The following TSNARE1 variants were observed in gnomAD, a reference collection of about 807,000 sequenced individuals.
TSNARE1 encodes t-SNARE domain containing 1, also known as t-SNARE domain-containing protein 1.
Under a neutral mutation model 62.0 loss-of-function variants are expected in TSNARE1, and 49 were observed. The ratio of observed to expected loss-of-function variants is 0.79; its 90% CI spans 0.63 to 1.00. TSNARE1 has a LOEUF of 1.00. TSNARE1 is among the 50% of genes least tolerant of loss of function. The probability of loss-of-function intolerance (pLI) is 0.00; values close to 1 mark genes in which losing one functional copy is unlikely to be tolerated. For missense variants in TSNARE1, 755 were observed against 700.1 expected (o/e 1.08, Z -0.88); for synonymous variants, 328 against 294.4 (o/e 1.11, Z -1.17).
intron 12 of TSNARE1, among the ~76,000 whole-genome samples, chr8:142,256,924 G>C: frequency 6.6e-6 from 1 of 152,182 alleles, no homozygotes; most frequent in East Asian, 1.9e-4. Flanking sequence ...AGGGGTCCTG[G>C]GGAACACTGT....
At chr8:142,357,860 C>T (rs572016566) in intron 1 of TSNARE1, among the ~76,000 whole-genome samples, 62 of 152,110 alleles carry the variant, frequency 4.1e-4, no homozygotes, top group South Asian at 2.9e-3. Context: ...GAGATGGGGA[C>T]GAGTCAGGGG....
chr8:142,305,609 T>C (rs1403802734), intron 9 of TSNARE1, among the ~76,000 whole-genome samples: 1 of 152,152 alleles, frequency 6.6e-6, no homozygotes, highest in Non-Finnish European at 1.5e-5. Flanking sequence ...GAGGAAGAGA[T>C]GGCTTAGACG....
chr8:142,391,726 C>G (rs568002928), intron 1 of TSNARE1, among the ~76,000 whole-genome samples: 1 of 152,222 alleles, frequency 6.6e-6, no homozygotes, highest in East Asian at 1.9e-4. Flanking sequence ...TAGGGCTGCC[C>G]GCCCTGCCGC....
intron 12 of TSNARE1, among the ~76,000 whole-genome samples, chr8:142,269,022 T>G (rs1197075096): frequency 6.6e-6 from 1 of 152,278 alleles, no homozygotes; most frequent in Admixed American, 6.5e-5. Flanking sequence ...ACTGACTTGC[T>G]TAGTATACGT....
At chr8:142,257,061 C>A (rs975170895) in intron 12 of TSNARE1, among the ~76,000 whole-genome samples, 1 of 152,204 alleles carries the variant, frequency 6.6e-6, no homozygotes, top group Non-Finnish European at 1.5e-5. Flanking sequence ...AAGGGACCTT[C>A]CCACGCACAC....
chr8:142,275,788 AG>A (rs1469528665), intron 11 of TSNARE1: 2 of 980,022 alleles, frequency 2.0e-6, no homozygotes, highest in East Asian at 2.4e-4. Flanking sequence ...CTTGAGCCTC[AG>A]GGGTCTTAAG....
intron 11 of TSNARE1, among the ~76,000 whole-genome samples, chr8:142,283,194 C>A (rs562276491): frequency 5.3e-4 from 77 of 144,404 alleles, no homozygotes; most frequent in African/African-American, 1.9e-3. Flanking sequence ...GGAGGTGGGG[C>A]CACTGTCTGT....
intron 2 of TSNARE1, among the ~76,000 whole-genome samples, chr8:142,347,926 AG>A (rs1410700962): frequency 6.6e-6 from 1 of 152,214 alleles, no homozygotes; most frequent in African/African-American, 2.4e-5. Flanking sequence ...ACCCAAGTCC[AG>A]GTCCTGCCCA....
chr8:142,259,100 T>G (rs1280700764), intron 12 of TSNARE1, among the ~76,000 whole-genome samples: 3 of 152,178 alleles, frequency 2.0e-5, no homozygotes, highest in Non-Finnish European at 4.4e-5. Context: ...TCTGTCTGAC[T>G]CTGAAGTTGC....
intron 9 of TSNARE1, among the ~76,000 whole-genome samples, chr8:142,305,545 G>A (rs1826528520): frequency 6.6e-6 from 1 of 152,188 alleles, no homozygotes; most frequent in Admixed American, 6.5e-5. Context: ...TCCACAGCGG[G>A]AGGATCGGGG....
At chr8:142,338,434 C>T (rs1264452840) in intron 4 of TSNARE1, among the ~76,000 whole-genome samples, 1 of 152,220 alleles carries the variant, frequency 6.6e-6, no homozygotes, top group South Asian at 2.1e-4. Context: ...CAGTGAGCAC[C>T]GAGCCACCCT....
intron 1 of TSNARE1, among the ~76,000 whole-genome samples, chr8:142,360,257 AG>A (rs1254487654): frequency 6.6e-6 from 1 of 151,946 alleles, no homozygotes; most frequent in Non-Finnish European, 1.5e-5. Context: ...CATGGCCAGG[AG>A]GGGATGTGGC....
chr8:142,215,712 C>T (rs533789367), intron 13 of TSNARE1, among the ~76,000 whole-genome samples: 202 of 152,292 alleles, frequency 1.3e-3, no homozygotes, highest in Non-Finnish European at 2.1e-3. Context: ...GAAGTCCCTG[C>T]CCCACCCAGT....
chr8:142,278,997 G>T (rs1251091039), intron 11 of TSNARE1, among the ~76,000 whole-genome samples: 1 of 152,224 alleles, frequency 6.6e-6, no homozygotes, highest in Non-Finnish European at 1.5e-5. Context: ...CTGGCTGGAG[G>T]TGCATATGGG....
chr8:142,318,890 G>C (rs1829015330), intron 6 of TSNARE1, among the ~76,000 whole-genome samples: 3 of 151,938 alleles, frequency 2.0e-5, no homozygotes, highest in Admixed American at 6.6e-5. Context: ...AGAGACAAGA[G>C]CAGCGATGAT....
chr8:142,354,211 T>C (rs1834496094), intron 2 of TSNARE1, among the ~76,000 whole-genome samples: 1 of 152,106 alleles, frequency 6.6e-6, no homozygotes, highest in South Asian at 2.1e-4. Context: ...CTGCACCAGC[T>C]GCGCGGCCCT....
chr8:142,379,304 C>A (rs976578157), intron 1 of TSNARE1, among the ~76,000 whole-genome samples: 7 of 152,292 alleles, frequency 4.6e-5, no homozygotes, highest in Middle Eastern at 3.4e-3. Context: ...CTCCTCCTAA[C>A]CCCCAGACTC....
chr8:142,366,029 G>C, intron 1 of TSNARE1: 1 of 382,726 alleles, frequency 2.6e-6, no homozygotes, highest in South Asian at 1.8e-5. Flanking sequence ...TGAAAATGAA[G>C]GATTTTTCTG....
At chr8:142,383,217 C>T (rs1408801964) in intron 1 of TSNARE1, among the ~76,000 whole-genome samples, 1 of 152,150 alleles carries the variant, frequency 6.6e-6, no homozygotes, top group African/African-American at 2.4e-5. Context: ...GGTCAGTGTG[C>T]GTGGAGAACA....
Sources: gnomAD v4.1 joint callset for allele counts (sites outside exome capture counted in the v4.1 genomes callset) on GRCh38, gnomAD v4.1.1 for gene constraint, MANE v1.5 for transcripts, NCBI Gene and HGNC (gene_info 2026-07-23, HGNC 2026-07-21) for gene names.